IGSF10: variants seen among roughly 807,000 people sequenced by gnomAD.
IGSF10 encodes the protein immunoglobulin superfamily member 10, also known as calvaria mechanical force protein 608.
A neutral mutation model predicts 128.2 loss-of-function variants in IGSF10; 126 were observed. The ratio of observed to expected loss-of-function variants is 0.98; its 90% CI spans 0.85 to 1.14. IGSF10 has a LOEUF of 1.14. IGSF10 is among the 50% of genes most tolerant of loss of function. IGSF10 has a pLI of 0.00. For synonymous variants in IGSF10, 1,185 were observed against 1,146.2 expected (o/e 1.03, Z -0.68); for missense variants, 3,295 against 3,149.8 (o/e 1.05, Z -1.10).
chr3:151,588,376 C>T, the IGSF10 span, among the ~76,000 whole-genome samples: 1 of 151,976 alleles, frequency 6.6e-6, no homozygotes, highest in African/African-American at 2.4e-5. Flanking sequence ...TGTCCAGCAG[C>T]CCCTCTAGCT....
the IGSF10 span, among the ~76,000 whole-genome samples, chr3:151,570,932 CA>C: frequency 6.6e-6 from 1 of 152,258 alleles, no homozygotes; most frequent in Non-Finnish European, 1.5e-5. Context: ...GGAAGGGATC[CA>C]GTTTCAGCTT....
the IGSF10 span, among the ~76,000 whole-genome samples, chr3:151,595,064 A>G: frequency 6.6e-6 from 1 of 152,138 alleles, no homozygotes; most frequent in Non-Finnish European, 1.5e-5. Flanking sequence ...CCACAATGAG[A>G]TAACGCCTCA....
At chr3:151,512,703 T>C in the IGSF10 span, among the ~76,000 whole-genome samples, 1 of 151,768 alleles carries the variant, frequency 6.6e-6, no homozygotes, top group Non-Finnish European at 1.5e-5. Flanking sequence ...TCAACAAAAT[T>C]GATAGACTGC....
At chr3:151,452,595 TGC>T (rs1242131507) in intron 5 of IGSF10, among the ~76,000 whole-genome samples, 23 of 152,270 alleles carry the variant, frequency 1.5e-4, no homozygotes, top group Non-Finnish European at 2.6e-4. Flanking sequence ...ATTATGTGTG[TGC>T]GCATATGTAT....
the IGSF10 span, among the ~76,000 whole-genome samples, chr3:151,607,025 C>T: frequency 6.6e-6 from 1 of 152,182 alleles, no homozygotes; most frequent in South Asian, 2.1e-4. Context: ...ACCTCAGGCA[C>T]ACTACTTCCC....
rs1005434748 is a variant in IGSF10, at chr3:151,437,757, A to AGAT, written c.6801_6803dup (p.Ser2268dup). 2.3e-5 allele frequency: 37 copies of AGAT among 1,613,840 alleles called. No individual in the cohort carries two copies. The highest frequency in any genetic ancestry group is 4.0e-5 in the African/African-American group (3 of 74,900). On this transcript the variant is annotated inframe_insertion, in exon 8 of 8. Transcript: ENST00000282466. ...CTGGCATGATCCACATGACTTCAGG[A>AGAT]GATGGTGTCCCTTCAGCTCTGCAGT... is the stretch of plus-strand genomic sequence containing the variant.
At chr3:151,611,092 A>G in the IGSF10 span, among the ~76,000 whole-genome samples, 4 of 152,332 alleles carry the variant, frequency 2.6e-5, no homozygotes, top group East Asian at 7.7e-4. Context: ...GAAGAAGAAA[A>G]TATTAAATGA....
chr3:151,505,688 A>G, the IGSF10 span, among the ~76,000 whole-genome samples: 1 of 152,234 alleles, frequency 6.6e-6, no homozygotes, highest in Non-Finnish European at 1.5e-5. Flanking sequence ...ACTGAATTGC[A>G]TTTGAAAATG....
At chr3:151,503,753 C>A in the IGSF10 span, among the ~76,000 whole-genome samples, 2 of 152,126 alleles carry the variant, frequency 1.3e-5, no homozygotes, top group Non-Finnish European at 2.9e-5. Context: ...TCAACTCAGT[C>A]TCCTCAAAAA....
At chr3:151,519,521 G>T in the IGSF10 span, among the ~76,000 whole-genome samples, 1 of 151,638 alleles carries the variant, frequency 6.6e-6, no homozygotes, top group Non-Finnish European at 1.5e-5. Flanking sequence ...ATATGACTGG[G>T]AGTCACTTTC....
downstream of IGSF10, chr3:151,434,917 A>C (rs1178171288): frequency 6.6e-6 from 1 of 152,152 alleles, no homozygotes; most frequent in Non-Finnish European, 1.5e-5. Context: ...TTAGGTGAGG[A>C]AGTTATGCTA....
In IGSF10 at chr3:151,457,007, C is replaced by T. The variant is rs752877295; in HGVS notation, c.324+19G>A. ...CCACCTTACCTCTTTAACCTGCCCC[C>T]TCTCTCCATCAGTCTCACCTGCAAG... On this transcript the variant is annotated intron_variant, in intron 4 of 7. Coordinates refer to ENST00000282466, the MANE Select transcript of IGSF10 (RefSeq NM_178822.5). 1.1e-4 allele frequency: 178 copies of T among 1,613,908 alleles called. 2 individuals carry two copies. In the Admixed American group the frequency reaches 2.9e-3, roughly 26 times the overall value.
the IGSF10 span, among the ~76,000 whole-genome samples, chr3:151,528,360 A>T: frequency 2.0e-5 from 3 of 152,230 alleles, no homozygotes; most frequent in African/African-American, 7.2e-5. Flanking sequence ...TTTTTTTAAA[A>T]GAGAAAGCAT....
chr3:151,509,314 C>T, the IGSF10 span, among the ~76,000 whole-genome samples: 1 of 152,178 alleles, frequency 6.6e-6, no homozygotes, highest in Non-Finnish European at 1.5e-5. Context: ...TTTGAATGAA[C>T]TCCAGTCTCA....
chr3:151,489,538 C>T, the IGSF10 span, among the ~76,000 whole-genome samples: 1 of 152,036 alleles, frequency 6.6e-6, no homozygotes, highest in Non-Finnish European at 1.5e-5. Context: ...TTTATTGCAG[C>T]ACTATTCAAA....
the IGSF10 span, among the ~76,000 whole-genome samples, chr3:151,497,318 T>G: frequency 1.3e-5 from 2 of 152,216 alleles, no homozygotes; most frequent in African/African-American, 4.8e-5. Context: ...GGTCTAACTT[T>G]TAAGTCTTTA....
chr3:151,456,222 G>T (rs2172248), intron 4 of IGSF10, among the ~76,000 whole-genome samples: 111,853 of 152,152 alleles, frequency 0.74, 41,322 homozygotes, highest in Middle Eastern at 0.95. Context: ...TCTCACCATG[G>T]TTATAACCTC....
At chr3:151,525,303 T>A in the IGSF10 span, among the ~76,000 whole-genome samples, 1 of 152,174 alleles carries the variant, frequency 6.6e-6, no homozygotes, top group Non-Finnish European at 1.5e-5. Context: ...AGAATATGCA[T>A]AACATGTACA....
At chr3:151,514,348 T>C in the IGSF10 span, among the ~76,000 whole-genome samples, 3 of 152,198 alleles carry the variant, frequency 2.0e-5, no homozygotes, top group African/African-American at 4.8e-5. Context: ...TTGACAAACC[T>C]GAGAAAAACA....
Sources: gnomAD v4.1 joint callset for allele counts (sites outside exome capture counted in the v4.1 genomes callset) on GRCh38, gnomAD v4.1.1 for gene constraint, MANE v1.5 for transcripts, NCBI Gene and HGNC (gene_info 2026-07-23, HGNC 2026-07-21) for gene names.